FSTL1: variants seen among roughly 807,000 people sequenced by gnomAD.
The protein encoded by FSTL1 is follistatin like 1, also known as follistatin-related protein 1.
Under a neutral mutation model 45.9 loss-of-function variants are expected in FSTL1, and 24 were observed. That is an observed-to-expected ratio of 0.52 (90% confidence interval 0.38 to 0.74). The LOEUF (loss-of-function observed/expected upper bound fraction) is 0.74, where lower values mean the gene tolerates loss of function less well. Among genes scored for constraint, FSTL1 ranks in the 30% least tolerant of loss-of-function variants. The pLI is 0.00. For missense variants in FSTL1, 340 were observed against 381.8 expected, an observed-to-expected ratio of 0.89 and a Z score of 0.91; for synonymous variants, 120 against 137.6, an observed-to-expected ratio of 0.87 and a Z score of 0.89.
intron 2 of FSTL1, among the ~76,000 whole-genome samples, chr3:120,446,854 G>A (rs1937754418): frequency 6.6e-6 from 1 of 152,152 alleles, no homozygotes; most frequent in South Asian, 2.1e-4. Context: ...ACATCTATTT[G>A]TAGAATTGCT....
chr3:120,415,792 G>A (rs61795709), intron 3 of FSTL1, 131 bp downstream of exon 3: 19,969 of 523,588 alleles, frequency 0.038, 548 homozygotes, highest in Non-Finnish European at 0.047. Context: ...AGAATTCCAC[G>A]TTTTTCAGGG....
At chr3:120,427,352 G>C (rs1159093242) in intron 2 of FSTL1, among the ~76,000 whole-genome samples, 1 of 152,080 alleles carries the variant, frequency 6.6e-6, no homozygotes, top group African/African-American at 2.4e-5. Context: ...CTTTCTGGCT[G>C]AACTACAAGC....
chr3:120,415,080 G>C (rs1484527231), intron 3 of FSTL1, among the ~76,000 whole-genome samples: 2 of 147,990 alleles, frequency 1.4e-5, no homozygotes, highest in Non-Finnish European at 3.0e-5. Flanking sequence ...CTAAATTATT[G>C]CTTTTATACA....
chr3:120,450,482 C>T (rs1024693775), intron 2 of FSTL1, among the ~76,000 whole-genome samples: 1 of 152,174 alleles, frequency 6.6e-6, no homozygotes, highest in Non-Finnish European at 1.5e-5. Context: ...CTCCCGCTTA[C>T]GGCCCGAACT....
At chr3:120,415,882 G>T in intron 3 of FSTL1, 41 bp downstream of exon 3, 1 of 1,237,948 alleles carries the variant, frequency 8.1e-7, no homozygotes, top group Non-Finnish European at 1.2e-6. Flanking sequence ...TACCACATTG[G>T]CCTTGGCCAC....
At chr3:120,418,946 T>C (rs776010021) in intron 2 of FSTL1, 3 of 152,196 alleles carry the variant, frequency 2.0e-5, no homozygotes, top group Non-Finnish European at 4.4e-5. Context: ...CTGTCCTCCC[T>C]TGCACTGCAG....
chr3:120,437,314 A>G (rs1044992147), intron 2 of FSTL1, among the ~76,000 whole-genome samples: 20 of 152,220 alleles, frequency 1.3e-4, no homozygotes, highest in Non-Finnish European at 2.6e-4. Context: ...TTTTTGGAAT[A>G]TGGTAGGGAA....
chr3:120,419,159 C>T (rs1559739168), intron 2 of FSTL1: 1 of 152,252 alleles, frequency 6.6e-6, no homozygotes, highest in Non-Finnish European at 1.5e-5. Context: ...GCAGCTCCAC[C>T]CAGCTCTGTC....
chr3:120,435,860 C>T (rs538774380), intron 2 of FSTL1, among the ~76,000 whole-genome samples: 1 of 152,346 alleles, frequency 6.6e-6, no homozygotes, highest in Admixed American at 6.5e-5. Flanking sequence ...AGGAACCCAG[C>T]TTGCTCTCTA....
At position 120,407,755 on chromosome 3, in the gene FSTL1, A is replaced by G. The variant is rs1105219; in HGVS notation, c.462+1777T>C. On this transcript the variant is annotated intron_variant, in intron 6 of 10. Coordinates refer to ENST00000295633, the MANE Select transcript of FSTL1 (RefSeq NM_007085.5). ...AATGAAACCTGTTTTCTCCTGTTAG[A>G]CACTGCCAGAGTGTCTGGGAAGAGG... Among the ~76,000 whole-genome samples, 5,615 of 152,294 alleles carry G rather than the reference A, an allele frequency of 0.037. 691 individuals are homozygous for G. In the East Asian group the frequency reaches 0.49, roughly 13 times the overall value.
chr3:120,424,999 G>C (rs1205359894), intron 2 of FSTL1, among the ~76,000 whole-genome samples: 1 of 152,148 alleles, frequency 6.6e-6, no homozygotes, highest in Non-Finnish European at 1.5e-5. Context: ...AAAAAGGTGG[G>C]CATGGAAGGC....
At chr3:120,444,754 A>G (rs1937700578) in intron 2 of FSTL1, among the ~76,000 whole-genome samples, 1 of 150,182 alleles carries the variant, frequency 6.7e-6, no homozygotes, top group Non-Finnish European at 1.5e-5. Context: ...AATGACCCAT[A>G]AATCCACTAC....
intron 2 of FSTL1, among the ~76,000 whole-genome samples, chr3:120,449,976 T>A (rs868856223): frequency 1.7e-4 from 26 of 152,034 alleles, no homozygotes; most frequent in Admixed American, 1.2e-3. Flanking sequence ...GAGCAAAGAG[T>A]TTGTTGGTTT....
intron 2 of FSTL1, among the ~76,000 whole-genome samples, chr3:120,449,867 G>A (rs1180932111): frequency 2.0e-5 from 3 of 152,158 alleles, no homozygotes; most frequent in Non-Finnish European, 4.4e-5. Context: ...ATTATCAAAT[G>A]TTTAGTTTCT....
In FSTL1 at chr3:120,428,924, T is replaced by C. The variant is rs147649274; in HGVS notation, c.64-12897A>G. On this transcript the variant is annotated intron_variant, in intron 2 of 10. Coordinates refer to ENST00000295633, the MANE Select transcript of FSTL1 (RefSeq NM_007085.5). ...CTCAAAGCTAAATGAAGTCTCCATATGTGTGGCTCAGTAGGGTTCTAGGAG... is the reference window on the plus strand; with the variant it reads ...CTCAAAGCTAAATGAAGTCTCCATACGTGTGGCTCAGTAGGGTTCTAGGAG... Among the ~76,000 whole-genome samples the C allele has an allele frequency of 1.1e-4, 17 of 152,338 alleles. No individual in the cohort carries two copies. The East Asian group carries it at 3.3e-3, about 29-fold the overall frequency.
chr3:120,450,646 C>T (rs1267799826), intron 2 of FSTL1, 38 bp downstream of exon 2: 1 of 1,455,912 alleles, frequency 6.9e-7, no homozygotes. Context: ...CCAAGAGGCC[C>T]CGGGGACCGA....
chr3:120,443,501 G>A lies in FSTL1; in HGVS notation c.63+7183C>T, dbSNP rs139962551. Among the ~76,000 whole-genome samples the A allele has an allele frequency of 4.2e-3, 629 of 149,930 alleles. 76 individuals are homozygous for A. The highest frequency in any genetic ancestry group is 0.015 in the African/African-American group (581 of 39,290). ...TTGAAGGATAAGAGGAAAGACAGGG[G>A]AAAAGACAAATTTTGCCTCAGACAT... On this transcript the variant is annotated intron_variant, in intron 2 of 10. Coordinates refer to ENST00000295633, the MANE Select transcript of FSTL1 (RefSeq NM_007085.5).
chr3:120,447,285 C>G (rs945833300), intron 2 of FSTL1, among the ~76,000 whole-genome samples: 1 of 152,178 alleles, frequency 6.6e-6, no homozygotes, highest in Non-Finnish European at 1.5e-5. Context: ...GATGAGCAGG[C>G]TCACACAGTC....
chr3:120,441,190 G>T (rs757808266), intron 2 of FSTL1: 3 of 152,196 alleles, frequency 2.0e-5, no homozygotes, highest in Non-Finnish European at 2.9e-5. Context: ...TTATTGCCTG[G>T]TAACAGGCCA....
Sources: allele counts gnomAD v4.1 joint callset (sites outside exome capture counted in the v4.1 genomes callset), GRCh38; gene constraint gnomAD v4.1.1; transcripts MANE v1.5; gene names NCBI Gene and HGNC (gene_info 2026-07-23, HGNC 2026-07-21).